NWD1: variants seen among roughly 807,000 people sequenced by gnomAD.
NWD1 encodes the protein NACHT domain- and WD repeat-containing protein 1.
NWD1 carries 129 observed loss-of-function variants against 135.1 expected under a neutral mutation model. The observed-to-expected ratio is 0.96, with a 90% CI of 0.83 to 1.11. NWD1 has a LOEUF of 1.11. Ranked by LOEUF, NWD1 falls within the 50% of genes least tolerant of loss-of-function variation. The pLI is 0.00. For missense variants in NWD1, 1,740 were observed against 1,851.3 expected (o/e 0.94, Z 1.10); for synonymous variants, 773 against 786.0 (o/e 0.98, Z 0.28).
chr19:16,786,285 G>A (rs1970038945), intron 12 of NWD1, among the ~76,000 whole-genome samples: 1 of 152,038 alleles, frequency 6.6e-6, no homozygotes, highest in Non-Finnish European at 1.5e-5. Flanking sequence ...TGGGATTACA[G>A]GTGTGAGCCA....
intron 10 of NWD1, among the ~76,000 whole-genome samples, chr19:16,772,316 G>A (rs911727731): frequency 6.6e-6 from 1 of 152,184 alleles, no homozygotes; most frequent in South Asian, 2.1e-4. Context: ...AGTGAGCTGC[G>A]ATCGTGCCAC....
chr19:16,780,099 C>T (rs539265957), intron 12 of NWD1, among the ~76,000 whole-genome samples: 21 of 151,836 alleles, frequency 1.4e-4, no homozygotes, highest in South Asian at 1.2e-3. Flanking sequence ...CTTTGCTCCA[C>T]GTGGTCTGTC....
chr19:16,808,864 A>G (rs1970836280), intron 18 of NWD1, among the ~76,000 whole-genome samples: 1 of 152,042 alleles, frequency 6.6e-6, no homozygotes, highest in Non-Finnish European at 1.5e-5. Context: ...AAGGAGGATC[A>G]CTTGAGGCCA....
intron 5 of NWD1, among the ~76,000 whole-genome samples, chr19:16,748,085 G>A (rs948909399): frequency 6.6e-6 from 1 of 152,214 alleles, no homozygotes; most frequent in Non-Finnish European, 1.5e-5. Context: ...CCGGGTTCAA[G>A]TGATTCTCCT....
chr19:16,761,398 T>C (rs1969008110), intron 7 of NWD1, among the ~76,000 whole-genome samples: 1 of 152,080 alleles, frequency 6.6e-6, no homozygotes, highest in Non-Finnish European at 1.5e-5. Context: ...TTTTTTCTTT[T>C]TGGAGTCTCT....
intron 2 of NWD1, among the ~76,000 whole-genome samples, chr19:16,727,096 T>A (rs1967359169): frequency 6.6e-6 from 1 of 152,114 alleles, no homozygotes; most frequent in Non-Finnish European, 1.5e-5. Context: ...CAGCCTCTCC[T>A]CTGCACACCT....
intron 10 of NWD1, among the ~76,000 whole-genome samples, chr19:16,771,143 AAATT>A (rs1205547143): frequency 2.6e-5 from 4 of 152,254 alleles, no homozygotes; most frequent in Middle Eastern, 3.4e-3. Flanking sequence ...CTGTAAAAAA[AAATT>A]AATTAGTTAA....
Position 16,779,394 on chromosome 19 carries a change from C to G in NWD1, c.2660C>G (p.Thr887Ser). 1 of 1,613,516 alleles carries G rather than the reference C, an allele frequency of 6.2e-7. No individual in the cohort carries two copies. Among genetic ancestry groups the G allele is most frequent in the Non-Finnish European group, 8.5e-7 (1 of 1,179,642 alleles). ...GAGGAGAAGCTGCTGGTGATTGGCA[C>G]CCAGGATGGCATCATGGCTGTGTGG... ...GVEEKLLVIG[T>S]QDGIMAVWDM... Residue 887 changes from threonine to serine, a missense_variant, in exon 12 of 19, where the codon ACC becomes AGC. Coordinates refer to ENST00000524140, the MANE Select transcript of NWD1 (RefSeq NM_001007525.5).
intron 14 of NWD1, among the ~76,000 whole-genome samples, chr19:16,792,066 A>G (rs1316438006): frequency 6.6e-6 from 1 of 152,090 alleles, no homozygotes; most frequent in Non-Finnish European, 1.5e-5. Flanking sequence ...AGTTCAGGAA[A>G]CATCTGTTGG....
At chr19:16,748,587 G>T (rs1439124491) in intron 5 of NWD1, among the ~76,000 whole-genome samples, 1 of 152,054 alleles carries the variant, frequency 6.6e-6, no homozygotes, top group Non-Finnish European at 1.5e-5. Context: ...AGCACTTTGG[G>T]AGGCCGAGGT....
In NWD1 at chr19:16,749,346, A is replaced by T. The variant is rs1218519172; in HGVS notation, c.704A>T (p.His235Leu). The T allele has an allele frequency of 6.2e-7, 1 of 1,613,618 alleles. No individual in the cohort carries two copies. The highest frequency in any genetic ancestry group is 8.5e-7 in the Non-Finnish European group (1 of 1,179,938). ...CTCAAAAGTCACATCACTGACATGC[A>T]CCCAGGGGTCCTCAAGACCCACCGC... ...SSLKSHITDM[H>L]PGVLKTHRLP... Residue 235 changes from histidine to leucine, a missense_variant, in exon 6 of 19, where the codon CAC (histidine) becomes CTC (leucine). His to Leu is a moderately conservative substitution (Grantham distance 99). Coordinates refer to ENST00000524140, the MANE Select transcript of NWD1 (RefSeq NM_001007525.5).
chr19:16,765,259 C>A, intron 10 of NWD1, 67 bp downstream of exon 10: 1 of 1,435,534 alleles, frequency 7.0e-7, no homozygotes, highest in Non-Finnish European at 9.6e-7. Context: ...ATGCTCTCCT[C>A]ATTGAGTCAT....
Position 16,808,543 on chromosome 19 carries a change from T to TAAAAA in NWD1, c.4287+413_4287+417dup, listed in dbSNP as rs200598722. On this transcript the variant is annotated intron_variant, in intron 18 of 18. Transcript: ENST00000524140. The stretch of plus-strand genomic sequence containing the variant: ...CCAGCCTGACTACAGACACTCCGTT[T>TAAAAA]AAAAAAAAAAGAAAAGAAAAGAAAA... 1.8e-3 allele frequency among the ~76,000 whole-genome samples: 258 copies of TAAAAA among 145,672 alleles called. 1 individual carries two copies. The highest frequency in any genetic ancestry group is 3.0e-3 in the South Asian group (14 of 4,636).
At position 16,744,690 on chromosome 19, in the gene NWD1, G is replaced by T. The variant is rs963979597; in HGVS notation, c.468G>T (p.Gln156His). The change falls in exon 5 of 19, where the codon CAG (glutamine) becomes CAT (histidine). Residue 156 changes from glutamine to histidine, a missense_variant. Physicochemically the swap from Gln to His is conservative, Grantham distance 24 (BLOSUM62 0). Coordinates refer to ENST00000524140, the MANE Select transcript of NWD1 (RefSeq NM_001007525.5). ...QEARRLGLIT[Q>H]EQWQHYHRSV... is the part of the protein sequence containing the mutation. ...CCCGGAGGCTGGGGCTCATCACCCA[G>T]GAGCAGTGGCAGCACTACCACCGGT... The T allele has an allele frequency of 1.3e-6, 2 of 1,536,032 alleles. No individual in the cohort carries two copies. The highest frequency in any genetic ancestry group is 2.4e-5 in the South Asian group (2 of 84,058).
intron 17 of NWD1, among the ~76,000 whole-genome samples, chr19:16,802,463 TAAAA>T (rs1165843521): frequency 1.0e-5 from 1 of 96,486 alleles, no homozygotes; most frequent in Non-Finnish European, 2.0e-5. Flanking sequence ...CTATCTCAAT[TAAAA>T]AAAAAAAAAA....
At chr19:16,763,188 C>T (rs1969087099) in intron 8 of NWD1, among the ~76,000 whole-genome samples, 1 of 151,970 alleles carries the variant, frequency 6.6e-6, no homozygotes, top group Non-Finnish European at 1.5e-5. Context: ...CCTGCCTCTC[C>T]AGGACATGGT....
At chr19:16,806,016 G>A (rs1970736517) in intron 17 of NWD1, among the ~76,000 whole-genome samples, 1 of 152,012 alleles carries the variant, frequency 6.6e-6, no homozygotes, top group South Asian at 2.1e-4. Context: ...GGGATTACAG[G>A]TGCCTGCCAC....
chr19:16,782,502 G>C (rs1452728938), intron 12 of NWD1, among the ~76,000 whole-genome samples: 1 of 151,684 alleles, frequency 6.6e-6, no homozygotes, highest in Non-Finnish European at 1.5e-5. Flanking sequence ...GGTGGGGGTG[G>C]AGAAGGTCTA....
chr19:16,737,143 T>A (rs1429152613), intron 4 of NWD1, among the ~76,000 whole-genome samples: 7 of 152,080 alleles, frequency 4.6e-5, no homozygotes, highest in Non-Finnish European at 1.0e-4. Context: ...ATGTGCCCAC[T>A]GGTTTCAGGT....
Sources: allele counts gnomAD v4.1 joint callset (sites outside exome capture counted in the v4.1 genomes callset), GRCh38; gene constraint gnomAD v4.1.1; transcripts MANE v1.5; gene names NCBI Gene and HGNC (gene_info 2026-07-23, HGNC 2026-07-21).